Variants in TMEM131L observed in about 807,000 individuals in gnomAD.
TMEM131L encodes the protein transmembrane protein 131-like.
In TMEM131L, 54 loss-of-function variants were observed where a neutral mutation model predicts 192.2. That is an observed-to-expected ratio of 0.28 (90% CI 0.23 to 0.35). The LOEUF (loss-of-function observed/expected upper bound fraction) is 0.35, where lower values mean the gene tolerates loss of function less well. Among genes scored for constraint, TMEM131L ranks in the 10% least tolerant of loss-of-function variants. The pLI is 1.00. For missense variants in TMEM131L, 1,888 were observed against 1,972.9 expected (o/e 0.96, Z 0.82); for synonymous variants, 701 against 704.9 (o/e 0.99, Z 0.09).
chr4:153,550,518 G>A lies in TMEM131L; in HGVS notation c.308+377G>A, dbSNP rs375548549. Among the ~76,000 whole-genome samples the A allele has an allele frequency of 2.4e-4, 36 of 152,208 alleles. No homozygotes were observed. In the East Asian group the frequency reaches 3.3e-3, roughly 14 times the overall value. The stretch of plus-strand genomic sequence containing the variant: ...ATTTTTTGTGTTTTTAGTAGAGACG[G>A]GGTTTCACCGTGTTCGCCAGGATGG... On this transcript the variant is annotated intron_variant, in intron 4 of 34. Transcript: ENST00000409959.
At chr4:153,569,948 A>G (rs555287163) in intron 7 of TMEM131L, among the ~76,000 whole-genome samples, 2 of 152,260 alleles carry the variant, frequency 1.3e-5, no homozygotes, top group Admixed American at 6.5e-5. Flanking sequence ...GTATCCAGTT[A>G]TCTTGGCCTG....
At chr4:153,556,383 A>G (rs986839532) in intron 5 of TMEM131L, among the ~76,000 whole-genome samples, 2 of 152,236 alleles carry the variant, frequency 1.3e-5, no homozygotes, top group African/African-American at 4.8e-5. Flanking sequence ...GATTGGCACC[A>G]TAACACAGAG....
intron 7 of TMEM131L, among the ~76,000 whole-genome samples, chr4:153,571,925 A>G (rs1729613140): frequency 6.6e-6 from 1 of 152,224 alleles, no homozygotes; most frequent in African/African-American, 2.4e-5. Flanking sequence ...AGAGTCTTTT[A>G]AAAGCTCCAT....
chr4:153,612,540 G>A, intron 26 of TMEM131L, 140 bp downstream of exon 26: 1 of 601,250 alleles, frequency 1.7e-6, no homozygotes, highest in Non-Finnish European at 2.7e-6. Context: ...TGTGTTCAGA[G>A]AATTTTATTT....
intron 3 of TMEM131L, among the ~76,000 whole-genome samples, chr4:153,546,149 T>C (rs973275381): frequency 1.3e-5 from 2 of 151,954 alleles, no homozygotes; most frequent in African/African-American, 4.8e-5. Context: ...CCTTGTCCTC[T>C]TAAAGTGCGG....
intron 7 of TMEM131L, among the ~76,000 whole-genome samples, chr4:153,574,560 A>C (rs1411506818): frequency 6.6e-6 from 1 of 152,210 alleles, no homozygotes; most frequent in Non-Finnish European, 1.5e-5. Context: ...CAGATGGCTT[A>C]TACAGAATCA....
intron 3 of TMEM131L, among the ~76,000 whole-genome samples, chr4:153,517,808 T>A (rs1734839147): frequency 6.6e-6 from 1 of 152,246 alleles, no homozygotes; most frequent in Non-Finnish European, 1.5e-5. Context: ...CCTATTTTAG[T>A]ACACACTTGA....
chr4:153,632,502 TC>T, intron 31 of TMEM131L: 1 of 531,264 alleles, frequency 1.9e-6, no homozygotes, highest in South Asian at 2.4e-5. Flanking sequence ...CATCTTGTCA[TC>T]CAGGTCAAGA....
intron 3 of TMEM131L, among the ~76,000 whole-genome samples, chr4:153,542,931 A>G (rs181933722): frequency 6.6e-6 from 1 of 152,318 alleles, no homozygotes; most frequent in Non-Finnish European, 1.5e-5. Flanking sequence ...GGTCATCAGC[A>G]ATATGAGGGA....
Position 153,587,823 on chromosome 4 carries a change from G to C in TMEM131L, c.1552+12G>C. On this transcript the variant is annotated intron_variant, in intron 15 of 34. Transcript: ENST00000409959. ...AAAATCAAAAGCAGGTAAGTATTTT[G>C]CCCTTAGGCTTTCTGTAGATCTCTA... is the stretch of plus-strand genomic sequence containing the variant. The C allele has an allele frequency of 6.3e-7, 1 of 1,599,056 alleles. No individual in the cohort carries two copies. Among genetic ancestry groups the C allele is most frequent in the Non-Finnish European group, 8.6e-7 (1 of 1,166,390 alleles).
chr4:153,466,787 G>T (rs552195645), intron 1 of TMEM131L, among the ~76,000 whole-genome samples: 2 of 152,130 alleles, frequency 1.3e-5, no homozygotes, highest in Non-Finnish European at 2.9e-5. Context: ...CTTTGTGCGC[G>T]GGCCCCTGCG....
rs1048151651 is a variant in TMEM131L, at chr4:153,486,380, A to G, written c.239+12492A>G. On this transcript the variant is annotated intron_variant, in intron 3 of 34. Coordinates refer to ENST00000409959, the MANE Select transcript of TMEM131L (RefSeq NM_001131007.2). ...ATGTGTGCTGAGAGGTTGCCTTTAG[A>G]GGAGCTGTCCTGTCAGCTTGCTTTG... is the stretch of plus-strand genomic sequence containing the variant. Among the ~76,000 whole-genome samples, 5 of 152,360 alleles carry G rather than the reference A, an allele frequency of 3.3e-5. No homozygotes were observed. In the South Asian group the frequency reaches 6.2e-4, roughly 19 times the overall value.
At chr4:153,597,273 AT>A (rs11308275) in intron 20 of TMEM131L, among the ~76,000 whole-genome samples, 40,890 of 148,126 alleles carry the variant, frequency 0.28, 5,831 homozygotes, top group Non-Finnish European at 0.34. Flanking sequence ...TTTTTAATTA[AT>A]TTTTTTTTTT....
chr4:153,540,097 G>A (rs1736658982), intron 3 of TMEM131L, among the ~76,000 whole-genome samples: 1 of 150,650 alleles, frequency 6.6e-6, no homozygotes, highest in African/African-American at 2.5e-5. Flanking sequence ...GGCAACAAGA[G>A]TGAAACTTTG....
chr4:153,612,390 C>G lies in TMEM131L; in HGVS notation c.3557C>G (p.Pro1186Arg). Residue 1186 changes from proline to arginine, a missense_variant, in exon 26 of 35, where the codon CCT becomes CGT. Pro to Arg is a moderately radical substitution (Grantham distance 103). Transcript: ENST00000409959. ...ATGTTTTCTGAGAAACAGGACATAC[C>G]TTTCGTAGAGGTCTGTATTTTTTTT... ...EDMFSEKQDIPFVEQEDPYRK... is the reference protein window; with the variant it reads ...EDMFSEKQDIRFVEQEDPYRK... The G allele has an allele frequency of 6.3e-7, 1 of 1,590,522 alleles. No homozygotes were observed. The highest frequency in any genetic ancestry group is 1.2e-5 in the South Asian group (1 of 83,536).
intron 3 of TMEM131L, among the ~76,000 whole-genome samples, chr4:153,490,635 C>T (rs1732700565): frequency 6.6e-6 from 1 of 152,000 alleles, no homozygotes; most frequent in Non-Finnish European, 1.5e-5. Flanking sequence ...TATGTTGCTC[C>T]TTGTTGGAAA....
chr4:153,529,768 C>T (rs1274325106), intron 3 of TMEM131L, among the ~76,000 whole-genome samples: 1 of 152,208 alleles, frequency 6.6e-6, no homozygotes, highest in Non-Finnish European at 1.5e-5. Flanking sequence ...TTCTCCCCTA[C>T]CCCCTTCACA....
chr4:153,524,254 A>G (rs1478135516), intron 3 of TMEM131L, among the ~76,000 whole-genome samples: 2 of 150,408 alleles, frequency 1.3e-5, no homozygotes, highest in African/African-American at 4.9e-5. Flanking sequence ...CAGGGCATGT[A>G]GCCCAAGGAC....
intron 7 of TMEM131L, among the ~76,000 whole-genome samples, chr4:153,566,624 G>A (rs531979290): frequency 5.5e-4 from 83 of 151,980 alleles, no homozygotes; most frequent in African/African-American, 2.0e-3. Flanking sequence ...TTATCAGAAG[G>A]TATAATGTGA....
Sources: gnomAD v4.1 joint callset for allele counts (sites outside exome capture counted in the v4.1 genomes callset) on GRCh38, gnomAD v4.1.1 for gene constraint, MANE v1.5 for transcripts, NCBI Gene and HGNC (gene_info 2026-07-23, HGNC 2026-07-21) for gene names.